The following PRKCE variants were observed in gnomAD, a reference collection of about 807,000 sequenced individuals.
PRKCE encodes the protein protein kinase C epsilon, also known as protein kinase C epsilon type.
A neutral mutation model predicts 85.4 loss-of-function variants in PRKCE; 16 were observed. The ratio of observed to expected loss-of-function variants is 0.19; its 90% CI spans 0.13 to 0.28. The LOEUF (loss-of-function observed/expected upper bound fraction) is 0.28. Ranked by LOEUF, PRKCE falls within the 10% of genes least tolerant of loss-of-function variation. The pLI is 1.00. For synonymous variants in PRKCE, 388 were observed against 371.5 expected, an observed-to-expected ratio of 1.04 and a Z score of -0.51; for missense variants, 573 against 975.2, an observed-to-expected ratio of 0.59 and a Z score of 5.49.
intron 14 of PRKCE, among the ~76,000 whole-genome samples, chr2:46,165,550 G>T (rs1435904639): frequency 1.3e-5 from 2 of 152,180 alleles, no homozygotes; most frequent in African/African-American, 4.8e-5. Context: ...ATCCCATTGG[G>T]GATTTCATCC....
chr2:45,965,895 G>A (rs888321526), intron 2 of PRKCE, among the ~76,000 whole-genome samples: 9 of 151,708 alleles, frequency 5.9e-5, no homozygotes, highest in Admixed American at 1.3e-4. Context: ...TTGTTAAACC[G>A]CTGCATTACG....
At chr2:45,980,005 G>A (rs988688442) in intron 4 of PRKCE, among the ~76,000 whole-genome samples, 2 of 152,100 alleles carry the variant, frequency 1.3e-5, no homozygotes, top group South Asian at 4.2e-4. Flanking sequence ...CTTGACCTTG[G>A]CGTATTGAAG....
intron 1 of PRKCE, among the ~76,000 whole-genome samples, chr2:45,692,129 A>G (rs184128499): frequency 2.0e-5 from 3 of 152,310 alleles, no homozygotes; most frequent in Admixed American, 1.3e-4. Flanking sequence ...TAAGGGCTCT[A>G]TGGACAGTGA....
At chr2:46,017,477 GT>G (rs1291901386) in intron 10 of PRKCE, among the ~76,000 whole-genome samples, 1 of 152,072 alleles carries the variant, frequency 6.6e-6, no homozygotes, top group East Asian at 1.9e-4. Flanking sequence ...TGACTTCCAC[GT>G]TTTGGCTACT....
chr2:45,798,456 C>T lies in PRKCE; in HGVS notation c.349-44544C>T, dbSNP rs752588272. 1.0e-3 allele frequency among the ~76,000 whole-genome samples: 156 copies of T among 152,106 alleles called. 1 individual carries two copies. Among genetic ancestry groups the T allele is most frequent in the Non-Finnish European group, 1.1e-3 (73 of 68,028 alleles). On this transcript the variant is annotated intron_variant, in intron 1 of 14. Coordinates refer to ENST00000306156, the MANE Select transcript of PRKCE (RefSeq NM_005400.3). ...CGACTTTTGTGGGACCTCCTGTAGG[C>T]GCTAAGGGAGAGCCATATACAATGT... is the stretch of plus-strand genomic sequence containing the variant.
intron 10 of PRKCE, among the ~76,000 whole-genome samples, chr2:46,017,169 C>T (rs1441571837): frequency 6.6e-6 from 1 of 152,114 alleles, no homozygotes; most frequent in Non-Finnish European, 1.5e-5. Flanking sequence ...TGCCTCTTTT[C>T]ACCTTACAAC....
Position 45,831,114 on chromosome 2 carries a change from C to G in PRKCE, c.349-11886C>G, listed in dbSNP as rs911314852. On this transcript the variant is annotated intron_variant, in intron 1 of 14. Coordinates refer to ENST00000306156, the MANE Select transcript of PRKCE (RefSeq NM_005400.3). ...CCGAGAAAAGAATGCTGGGAAGACT[C>G]AAAGATCTGAGAAAGGCAATTGGTA... 3.3e-5 allele frequency among the ~76,000 whole-genome samples: 5 copies of G among 151,950 alleles called. No individual in the cohort carries two copies. The East Asian group carries it at 5.8e-4, about 18-fold the overall frequency.
intron 1 of PRKCE, among the ~76,000 whole-genome samples, chr2:45,677,355 T>TTG (rs1676543599): frequency 1.0e-5 from 1 of 97,574 alleles, no homozygotes; most frequent in African/African-American, 4.0e-5. Flanking sequence ...TGTTGTTGTT[T>TTG]TTTTTTTTTT....
chr2:45,754,294 A>G (rs776962383), intron 1 of PRKCE, among the ~76,000 whole-genome samples: 5 of 152,250 alleles, frequency 3.3e-5, no homozygotes, highest in Non-Finnish European at 7.3e-5. Context: ...GAGGCCAGGC[A>G]TGTGACTTCT....
At chr2:45,700,856 G>A (rs1488128840) in intron 1 of PRKCE, among the ~76,000 whole-genome samples, 1 of 152,152 alleles carries the variant, frequency 6.6e-6, no homozygotes, top group Non-Finnish European at 1.5e-5. Context: ...CAGGGAGAGG[G>A]CGGCCCCGTG....
chr2:45,992,557 C>G (rs561213017), intron 6 of PRKCE, among the ~76,000 whole-genome samples: 1 of 152,334 alleles, frequency 6.6e-6, no homozygotes, highest in East Asian at 1.9e-4. Flanking sequence ...CTCTCTGTCT[C>G]TGAGCTTGGC....
chr2:45,803,367 C>G (rs78781854), intron 1 of PRKCE, among the ~76,000 whole-genome samples: 1 of 152,186 alleles, frequency 6.6e-6, no homozygotes. Flanking sequence ...GCATCATAGG[C>G]GCTGGTGCTA....
intron 1 of PRKCE, among the ~76,000 whole-genome samples, chr2:45,699,076 G>T (rs563678925): frequency 1.3e-5 from 2 of 152,090 alleles, no homozygotes; most frequent in Non-Finnish European, 2.9e-5. Flanking sequence ...TATACCTCAG[G>T]CAGGTGGGGT....
chr2:45,805,350 C>G (rs1688164484), intron 1 of PRKCE, among the ~76,000 whole-genome samples: 1 of 152,144 alleles, frequency 6.6e-6, no homozygotes, highest in Non-Finnish European at 1.5e-5. Context: ...GAGGGGTCAT[C>G]ACACAATTAT....
At chr2:45,781,184 A>T (rs1024102150) in intron 1 of PRKCE, among the ~76,000 whole-genome samples, 6 of 128,338 alleles carry the variant, frequency 4.7e-5, no homozygotes, top group Non-Finnish European at 7.6e-5. Context: ...AAATAATAAT[A>T]AAAAAAAAAG....
intron 2 of PRKCE, among the ~76,000 whole-genome samples, chr2:45,928,684 A>G (rs1189752021): frequency 6.6e-6 from 1 of 152,224 alleles, no homozygotes; most frequent in Non-Finnish European, 1.5e-5. Flanking sequence ...CTTTGCTAGA[A>G]TGGCAAGAAT....
chr2:45,940,662 ACT>A lies in PRKCE; in HGVS notation c.413-35763_413-35762del, dbSNP rs373313887. The stretch of plus-strand genomic sequence containing the variant: ...CACACTCTTGCGCTCACAAGTGTTC[ACT>A]CTCACGTACCGCATGCATGTCACAC... On this transcript the variant is annotated intron_variant, in intron 2 of 14. Transcript: ENST00000306156. Among the ~76,000 whole-genome samples the A allele has an allele frequency of 1.5e-3, 223 of 152,276 alleles. 1 individual carries two copies. The highest frequency in any genetic ancestry group is 5.1e-3 in the African/African-American group (213 of 41,552).
Position 46,145,195 on chromosome 2 carries a change from C to G in PRKCE, c.1695C>G (p.Thr565=), listed in dbSNP as rs1432833507. 4 of 1,599,692 alleles carry G rather than the reference C, an allele frequency of 2.5e-6. No individual in the cohort carries two copies. The East Asian group carries it at 8.9e-5, about 36-fold the overall frequency. Residue 565 remains threonine, a synonymous_variant, in exon 12 of 15, where the codon ACC becomes ACG. Transcript: ENST00000306156. The surrounding 1 kb of genome is among the most constrained non-coding windows in gnomAD (Gnocchi z 4.6). ...GGATTCTGAATGGTGTGACGACCAC[C>G]ACGTTCTGTGGGACTCCTGACTACA... The part of the protein sequence containing the change: ...KEGILNGVTT[T]TFCGTPDYIA...
chr2:45,915,954 T>A (rs932331682), intron 2 of PRKCE, among the ~76,000 whole-genome samples: 1 of 152,114 alleles, frequency 6.6e-6, no homozygotes, highest in Non-Finnish European at 1.5e-5. Context: ...AGCATCTACA[T>A]CCCCTCAACA....
Sources: gnomAD v4.1 joint callset for allele counts (sites outside exome capture counted in the v4.1 genomes callset) on GRCh38, gnomAD v4.1.1 for gene constraint, Gnocchi (gnomAD v3.1) non-coding constraint, MANE v1.5 for transcripts, NCBI Gene and HGNC (gene_info 2026-07-23, HGNC 2026-07-21) for gene names.